SYNCRIP: variants seen among roughly 807,000 people sequenced by gnomAD.
SYNCRIP encodes the protein heterogeneous nuclear ribonucleoprotein Q.
In SYNCRIP, 9 loss-of-function variants were observed where a neutral mutation model predicts 68.9. That is an observed-to-expected ratio of 0.13 (90% CI 0.08 to 0.23). The LOEUF (loss-of-function observed/expected upper bound fraction) is 0.23. SYNCRIP is among the 10% of genes least tolerant of loss of function. The pLI is 1.00. For synonymous variants in SYNCRIP, 258 were observed against 254.0 expected, an observed-to-expected ratio of 1.02 and a Z score of -0.15; for missense variants, 414 against 770.6, an observed-to-expected ratio of 0.54 and a Z score of 5.48.
At chr6:85,619,512 T>C in intron 8 of SYNCRIP, 95 bp from the exon 9 acceptor site, 1 of 1,103,326 alleles carries the variant, frequency 9.1e-7, no homozygotes, top group Non-Finnish European at 1.3e-6. Flanking sequence ...CAAATCACAA[T>C]CCATTAGAAG....
At chr6:85,638,602 C>T (rs1023888180) in intron 4 of SYNCRIP, among the ~76,000 whole-genome samples, 1 of 152,076 alleles carries the variant, frequency 6.6e-6, no homozygotes, top group Non-Finnish European at 1.5e-5. Context: ...TCACCTCAGT[C>T]TCTGAAAATT....
rs760949103 is a variant in SYNCRIP at position 85,622,451 on chromosome 6, C to CA, written c.1008+30dup. The CA allele has an allele frequency of 1.4e-5, 23 of 1,604,008 alleles. 1 individual carries two copies. The Admixed American group carries it at 2.0e-4, about 14-fold the overall frequency. On this transcript the variant is annotated intron_variant, in intron 8 of 10. Coordinates refer to ENST00000369622, the MANE Select transcript of SYNCRIP (RefSeq NM_006372.5). Reference sequence around the variant, plus strand: ...CCCGGCCCTTCTCCCATTAATCCCTCAAAAAATATTTTTAACTTGACTATC... The same window carrying CA: ...CCCGGCCCTTCTCCCATTAATCCCTCAAAAAAATATTTTTAACTTGACTATC...
At chr6:85,613,701 A>G (rs1298959270), downstream of SYNCRIP, among the ~76,000 whole-genome samples, 7 of 152,252 alleles carry the variant, frequency 4.6e-5, no homozygotes, top group Non-Finnish European at 1.0e-4. Context: ...AGGTAAGTAC[A>G]GTGATTATTT....
rs1377501704 is a variant in SYNCRIP, at chr6:85,641,283, A to C, written c.148+9T>G. 1 of 1,605,936 alleles carries C rather than the reference A, an allele frequency of 6.2e-7. No homozygotes were observed. The highest frequency in any genetic ancestry group is 1.1e-5 in the South Asian group (1 of 90,646). ...TTCATAATGTAATTTTGCAAGTGTTAGTTCTTACCTGCAACGTAAATTTCA... is the reference window on the plus strand; with the variant it reads ...TTCATAATGTAATTTTGCAAGTGTTCGTTCTTACCTGCAACGTAAATTTCA... On this transcript the variant is annotated intron_variant, in intron 2 of 10. Transcript: ENST00000369622.
upstream of SYNCRIP, chr6:85,643,368 G>C (rs1203277991): frequency 6.6e-6 from 1 of 152,368 alleles, no homozygotes; most frequent in Non-Finnish European, 1.5e-5. Flanking sequence ...GCGCCCGCGG[G>C]CTCCGCCCCC....
At chr6:85,636,768 G>A (rs1443564196) in intron 6 of SYNCRIP, among the ~76,000 whole-genome samples, 199 bp downstream of exon 6, 2 of 151,962 alleles carry the variant, frequency 1.3e-5, no homozygotes, top group Non-Finnish European at 2.9e-5. Context: ...CTACCATGCC[G>A]CCTTTTAGAT....
intron 6 of SYNCRIP, among the ~76,000 whole-genome samples, chr6:85,633,122 G>C (rs1808009688): frequency 6.6e-6 from 1 of 151,878 alleles, no homozygotes. Context: ...TGGGTGTGGT[G>C]GTGGGTGCCT....
At chr6:85,625,096 T>C (rs1050897265) in intron 6 of SYNCRIP, among the ~76,000 whole-genome samples, 10 of 152,116 alleles carry the variant, frequency 6.6e-5, no homozygotes, top group African/African-American at 2.4e-4. Flanking sequence ...GAAGAAAACA[T>C]GTAAGTCAGA....
intron 6 of SYNCRIP, 90 bp from the exon 7 acceptor site, chr6:85,624,202 T>G: frequency 7.6e-7 from 1 of 1,319,284 alleles, no homozygotes; most frequent in Non-Finnish European, 1.1e-6. Context: ...AAATCATCCT[T>G]TAAAAAGTAG....
At chr6:85,638,072 A>G (rs1378621318) in intron 4 of SYNCRIP, among the ~76,000 whole-genome samples, 1 of 152,136 alleles carries the variant, frequency 6.6e-6, no homozygotes, top group East Asian at 1.9e-4. Context: ...TATTCTAGGC[A>G]AAGTATAGAA....
chr6:85,632,144 A>G lies in SYNCRIP; in HGVS notation c.666+4823T>C, dbSNP rs1484145613. ...AACCCATTTTTATAAGTCCACATAC[A>G]AATATAAAGTCTACAGTACTATTTA... On this transcript the variant is annotated intron_variant, in intron 6 of 10. Coordinates refer to ENST00000369622, the MANE Select transcript of SYNCRIP (RefSeq NM_006372.5). Among the ~76,000 whole-genome samples, 3 of 152,334 alleles carry G rather than the reference A, an allele frequency of 2.0e-5. No homozygotes were observed. The East Asian group carries it at 5.8e-4, about 29-fold the overall frequency.
chr6:85,610,290 T>C (rs1430819182), downstream of SYNCRIP: 1 of 151,974 alleles, frequency 6.6e-6, no homozygotes, highest in Admixed American at 6.6e-5. Context: ...GCAAATGATA[T>C]TTAATTTTAA....
intron 7 of SYNCRIP, 112 bp from the exon 8 acceptor site, chr6:85,622,799 T>C (rs1806563483): frequency 1.2e-6 from 1 of 814,394 alleles, no homozygotes; most frequent in South Asian, 1.7e-5. Context: ...AAATCATCTC[T>C]TTCCTTCACT....
rs749022242 is a variant in SYNCRIP, at chr6:85,642,008, C to T, written c.-12-557G>A. 1.6e-4 allele frequency among the ~76,000 whole-genome samples: 25 copies of T among 152,012 alleles called. 1 individual carries two copies. The highest frequency in any genetic ancestry group is 2.9e-4 in the Non-Finnish European group (20 of 68,018). On this transcript the variant is annotated intron_variant, in intron 1 of 10. Transcript: ENST00000369622. The stretch of plus-strand genomic sequence containing the variant: ...GTCTCACCACTGCGGCCGCCAGGAG[C>T]CCATTAGAAACACGTGCTCTGCGCC...
At chr6:85,610,704 G>C (rs909324625), downstream of SYNCRIP, 1 of 152,004 alleles carries the variant, frequency 6.6e-6, no homozygotes, top group African/African-American at 2.4e-5. Flanking sequence ...TGACCTCTTA[G>C]ATGGGATCAT....
chr6:85,634,578 G>A (rs2758849), intron 6 of SYNCRIP, among the ~76,000 whole-genome samples: 80,389 of 151,044 alleles, frequency 0.53, 22,628 homozygotes, highest in African/African-American at 0.73. Flanking sequence ...ACACTGGTGT[G>A]TTGTTTTTTT....
intron 8 of SYNCRIP, among the ~76,000 whole-genome samples, chr6:85,620,163 T>A (rs7747624): frequency 6.6e-6 from 1 of 152,154 alleles, no homozygotes; most frequent in African/African-American, 2.4e-5. Context: ...TGAGAAATGG[T>A]TGAACCCAAG....
intron 6 of SYNCRIP, among the ~76,000 whole-genome samples, chr6:85,634,803 G>A (rs1391174855): frequency 6.6e-6 from 1 of 152,200 alleles, no homozygotes; most frequent in Non-Finnish European, 1.5e-5. Flanking sequence ...TTTTGGGACA[G>A]GCAAGGTGGC....
intron 6 of SYNCRIP, among the ~76,000 whole-genome samples, chr6:85,635,639 A>G (rs1255937303): frequency 1.3e-5 from 2 of 151,812 alleles, no homozygotes; most frequent in East Asian, 3.9e-4. Context: ...GTGTGGTGAT[A>G]AATGCCTGTA....
Sources: gnomAD v4.1 joint callset for allele counts (sites outside exome capture counted in the v4.1 genomes callset) on GRCh38, gnomAD v4.1.1 for gene constraint, MANE v1.5 for transcripts, NCBI Gene and HGNC (gene_info 2026-07-23, HGNC 2026-07-21) for gene names.